The following MTRR variants were observed in gnomAD, a reference collection of about 807,000 sequenced individuals.
MTRR encodes the protein 5-methyltetrahydrofolate-homocysteine methyltransferase reductase, also known as methionine synthase reductase.
Under a neutral mutation model 79.2 loss-of-function variants are expected in MTRR, and 63 were observed. The observed-to-expected ratio is 0.80, with a 90% CI of 0.65 to 0.98. MTRR has a LOEUF of 0.98. MTRR is among the 50% of genes least tolerant of loss of function. MTRR has a pLI of 0.00. For synonymous variants in MTRR, 355 were observed against 313.3 expected, an observed-to-expected ratio of 1.13 and a Z score of -1.41; for missense variants, 895 against 839.6, an observed-to-expected ratio of 1.07 and a Z score of -0.82.
At chr5:7,868,875 C>G (rs1747292063), upstream of MTRR, 1 of 562,818 alleles carries the variant, frequency 1.8e-6, no homozygotes, top group African/African-American at 1.9e-5. Context: ...CCCCGGGGAC[C>G]TGCGCTGAGA....
At chr5:7,886,574 C>A in intron 7 of MTRR, 41 bp from the exon 8 acceptor site, 1 of 1,425,562 alleles carries the variant, frequency 7.0e-7, no homozygotes, top group South Asian at 1.1e-5. Flanking sequence ...TATTCTTCAT[C>A]TTCTATGTCA....
At chr5:7,886,052 TAAG>T (rs1466187272) in intron 7 of MTRR, among the ~76,000 whole-genome samples, 198 bp downstream of exon 7, 1 of 152,198 alleles carries the variant, frequency 6.6e-6, no homozygotes, top group Non-Finnish European at 1.5e-5. Flanking sequence ...TTGCACTGAA[TAAG>T]AAGATAATGG....
Position 7,873,961 on chromosome 5 carries a change from C to T in MTRR, c.283+435C>T, listed in dbSNP as rs766531905. Among the ~76,000 whole-genome samples, 7 of 152,208 alleles carry T rather than the reference C, an allele frequency of 4.6e-5. No individual in the cohort carries two copies. The South Asian group carries it at 6.2e-4, about 14-fold the overall frequency. ...AGAATGAATGATTTTCATTTCCCAGCTACACATCAGGATTAGCTAGGGGAG... is the reference window on the plus strand; with the variant it reads ...AGAATGAATGATTTTCATTTCCCAGTTACACATCAGGATTAGCTAGGGGAG... On this transcript the variant is annotated intron_variant, in intron 3 of 14. Coordinates refer to ENST00000440940, the MANE Select transcript of MTRR (RefSeq NM_002454.3).
At position 7,869,432 on chromosome 5, in the gene MTRR, C is replaced by T. The variant is rs955772494; in HGVS notation, c.-26+217C>T. The T allele has an allele frequency of 1.9e-5, 11 of 574,060 alleles. No homozygotes were observed. The South Asian group carries it at 2.0e-4, about 11-fold the overall frequency. 35.6% of individuals were successfully genotyped at this position (574,060 alleles called of 1,614,324 possible). A position where few individuals can be genotyped will look rare whatever the true frequency, so the allele number is the denominator to read the frequency against. ...CCCGGGAGCGTGTCCTTGGGCTCGG[C>T]GTCGGCCTCTGCCGCGGGAGGCCCC... On this transcript the variant is annotated intron_variant, in intron 1 of 14. Coordinates refer to ENST00000440940, the MANE Select transcript of MTRR (RefSeq NM_002454.3).
upstream of MTRR, chr5:7,869,146 T>A (rs768458000): frequency 6.8e-6 from 11 of 1,613,210 alleles, no homozygotes; most frequent in Admixed American, 1.7e-5. Flanking sequence ...GGGCGCTGCG[T>A]CAGTGCGCGC....
intron 1 of MTRR, among the ~76,000 whole-genome samples, chr5:7,860,600 C>T (rs569166659): frequency 2.6e-5 from 4 of 152,260 alleles, no homozygotes; most frequent in South Asian, 2.1e-4. Context: ...GAATTAACAA[C>T]GTTGGGATTT....
chr5:7,898,927 T>G (rs1738994915), intron 14 of MTRR, among the ~76,000 whole-genome samples: 1 of 152,158 alleles, frequency 6.6e-6, no homozygotes, highest in African/African-American at 2.4e-5. Flanking sequence ...AGAGATTTAA[T>G]GGGCTCACGG....
chr5:7,867,806 T>C (rs79525539), upstream of MTRR: 993 of 1,614,200 alleles, frequency 6.2e-4, 13 homozygotes, highest in African/African-American at 0.012. Context: ...ATTTTTAACA[T>C]TTTGTTCAAG....
chr5:7,882,286 G>C (rs1222855787), intron 5 of MTRR, among the ~76,000 whole-genome samples: 1 of 152,212 alleles, frequency 6.6e-6, no homozygotes, highest in Non-Finnish European at 1.5e-5. Context: ...GATGTGGGTT[G>C]CCTCTGAAAG....
chr5:7,899,820 G>T, intron 14 of MTRR, 94 bp from the exon 15 acceptor site: 1 of 1,462,132 alleles, frequency 6.8e-7, no homozygotes, highest in East Asian at 2.3e-5. Context: ...AAGAACTATG[G>T]TGGTACAGTC....
chr5:7,873,438 A>G lies in MTRR; in HGVS notation c.195A>G (p.Pro65=), dbSNP rs1166869664. Residue 65 remains proline, a synonymous_variant, in exon 3 of 15, where the codon CCA becomes CCG. Coordinates refer to ENST00000440940, the MANE Select transcript of MTRR (RefSeq NM_002454.3). ...VVVSTTGTGD[P]PDTARKFVKE... is the part of the protein sequence containing the mutation. ...TTTCTACCACGGGCACCGGAGACCC[A>G]CCCGACACAGCCCGCAAGTTTGTTA... 5 of 1,614,110 alleles carry G rather than the reference A, an allele frequency of 3.1e-6. No homozygotes were observed. Among genetic ancestry groups the G allele is most frequent in the Non-Finnish European group, 4.2e-6 (5 of 1,180,004 alleles).
rs1161589002 is a variant in MTRR at position 7,859,602 on chromosome 5, T to C, written n.392-2349T>C. The C allele has an allele frequency of 1.6e-5, 17 of 1,078,288 alleles. No individual in the cohort carries two copies. In the Admixed American group the frequency reaches 2.5e-4, roughly 16 times the overall value. The allele number at this position is 1,078,288 out of a possible 1,614,324, so 66.8% of individuals were successfully genotyped here. On this transcript the variant is annotated intron_variant and non_coding_transcript_variant, in intron 1 of 3. Coordinates refer to the MTRR transcript ENST00000502509. ...CAAAATCTGAGGTTCCTCTGGCTAT[T>C]GGTTACTTTGTTTGTTTCTTACACG...
intron 5 of MTRR, among the ~76,000 whole-genome samples, chr5:7,879,886 C>T (rs1735303492): frequency 6.6e-6 from 1 of 152,226 alleles, no homozygotes. Context: ...GTAGAGCCCT[C>T]TCCTGCTCTG....
chr5:7,876,090 C>G (rs1372143785), intron 4 of MTRR, among the ~76,000 whole-genome samples: 1 of 152,216 alleles, frequency 6.6e-6, no homozygotes, highest in East Asian at 1.9e-4. Context: ...ATTTAATTTT[C>G]ACTCACTATG....
upstream of MTRR, chr5:7,866,935 A>G (rs1168182065): frequency 3.7e-6 from 6 of 1,614,196 alleles, no homozygotes; most frequent in Non-Finnish European, 5.1e-6. Context: ...GTTTTGAAAG[A>G]ATCAGTTCTC....
chr5:7,870,226 G>T, intron 1 of MTRR: 1 of 224,368 alleles, frequency 4.5e-6, no homozygotes, highest in Non-Finnish European at 7.7e-6. Flanking sequence ...ATGTGCTTCA[G>T]TTACCTTTAG....
chr5:7,853,894 T>C (rs1437149573), intron 1 of MTRR, among the ~76,000 whole-genome samples: 1 of 152,026 alleles, frequency 6.6e-6, no homozygotes, highest in Non-Finnish European at 1.5e-5. Context: ...GATGCTTCTT[T>C]CATGAGGTGA....
rs374385730 is a variant in MTRR, at chr5:7,892,696, G to A, written c.1371-31G>A. 62 of 1,610,678 alleles carry A rather than the reference G, an allele frequency of 3.8e-5. No individual in the cohort carries two copies. In the African/African-American group the frequency reaches 7.1e-4, roughly 18 times the overall value. ...CCATATGTGTAGTAGTACTGATATC[G>A]AGTTCAAAACTTGTCTGTGTATCTT... On this transcript the variant is annotated intron_variant, in intron 10 of 14. Transcript: ENST00000440940.
At chr5:7,874,406 G>T (rs577390169) in intron 3 of MTRR, among the ~76,000 whole-genome samples, 4 of 151,912 alleles carry the variant, frequency 2.6e-5, no homozygotes, top group Admixed American at 6.6e-5. Flanking sequence ...TTTACCTTAA[G>T]TTTTTATACT....
Sources: gnomAD v4.1 joint callset for allele counts (sites outside exome capture counted in the v4.1 genomes callset) on GRCh38, gnomAD v4.1.1 for gene constraint, MANE v1.5 for transcripts, NCBI Gene and HGNC (gene_info 2026-07-23, HGNC 2026-07-21) for gene names.